MERTK: variants seen among roughly 807,000 people sequenced by gnomAD.
MERTK encodes MER proto-oncogene, tyrosine kinase.
MERTK carries 69 observed loss-of-function variants against 99.3 expected under a neutral mutation model. That is an observed-to-expected ratio of 0.70 (90% confidence interval 0.57 to 0.85). MERTK has a LOEUF of 0.85. MERTK is among the 40% of genes least tolerant of loss of function. The pLI is 0.00. For missense variants in MERTK, 1,125 were observed against 1,249.4 expected, an observed-to-expected ratio of 0.90 and a Z score of 1.50; for synonymous variants, 426 against 467.6, an observed-to-expected ratio of 0.91 and a Z score of 1.15.
chr2:111,913,740 G>A lies in MERTK; in HGVS notation c.61+14944G>A, dbSNP rs539132399. ...TTTTTTGTATTTTTGATAGAGGTGG[G>A]GTTTCACCATTTTGGCCAGGCTGGT... On this transcript the variant is annotated intron_variant, in intron 1 of 18. Coordinates refer to ENST00000295408, the MANE Select transcript of MERTK (RefSeq NM_006343.3). 1.8e-3 allele frequency among the ~76,000 whole-genome samples: 275 copies of A among 152,096 alleles called. 1 individual carries two copies. Among genetic ancestry groups the A allele is most frequent in the African/African-American group, 6.1e-3 (252 of 41,458 alleles).
chr2:112,015,569 C>A (rs1242033578), intron 15 of MERTK, among the ~76,000 whole-genome samples: 1 of 152,070 alleles, frequency 6.6e-6, no homozygotes, highest in African/African-American at 2.4e-5. Context: ...TTTATATGTT[C>A]TAAATATAGT....
intron 6 of MERTK, among the ~76,000 whole-genome samples, chr2:111,970,665 C>T (rs1374819923): frequency 6.6e-6 from 1 of 151,120 alleles, no homozygotes; most frequent in African/African-American, 2.4e-5. Flanking sequence ...TATGAAAGTC[C>T]TCCTCCTCCT....
intron 13 of MERTK, 32 bp downstream of exon 13, chr2:112,004,016 A>G: frequency 1.3e-6 from 2 of 1,573,018 alleles, no homozygotes; most frequent in Non-Finnish European, 8.7e-7. Context: ...CCATTCTTCT[A>G]GGGTGGGCAG....
At chr2:111,995,833 G>A (rs779061721) in intron 9 of MERTK, among the ~76,000 whole-genome samples, 7 of 152,082 alleles carry the variant, frequency 4.6e-5, no homozygotes, top group Non-Finnish European at 7.4e-5. Context: ...GGTGGCATGC[G>A]CCTGTGGTCC....
intron 13 of MERTK, among the ~76,000 whole-genome samples, chr2:112,007,530 C>G (rs953876718): frequency 7.2e-5 from 11 of 152,244 alleles, no homozygotes; most frequent in African/African-American, 2.6e-4. Context: ...TCTCCCCAGC[C>G]CTGGCAAGCA....
At chr2:111,951,138 G>A (rs957287968) in intron 4 of MERTK, among the ~76,000 whole-genome samples, 1 of 151,890 alleles carries the variant, frequency 6.6e-6, no homozygotes, top group Non-Finnish European at 1.5e-5. Context: ...GGAGTTCGGG[G>A]GGCGGGGAGG....
intron 10 of MERTK, among the ~76,000 whole-genome samples, chr2:111,997,727 G>T (rs1465812648): frequency 1.3e-5 from 2 of 152,196 alleles, no homozygotes; most frequent in Non-Finnish European, 2.9e-5. Flanking sequence ...ACTCAAACTG[G>T]ATTGCTGTTA....
chr2:111,918,061 C>T (rs1684385987), intron 1 of MERTK, among the ~76,000 whole-genome samples: 1 of 152,100 alleles, frequency 6.6e-6, no homozygotes, highest in Non-Finnish European at 1.5e-5. Context: ...TCCCCATTCC[C>T]TCTCCCCTTA....
rs377203106 is a variant in MERTK at position 111,998,397 on chromosome 2, C to T, written c.1604+921C>T. 3.0e-4 allele frequency among the ~76,000 whole-genome samples: 45 copies of T among 152,232 alleles called. 1 individual carries two copies. The highest frequency in any genetic ancestry group is 9.9e-4 in the African/African-American group (41 of 41,524). On this transcript the variant is annotated intron_variant, in intron 10 of 18. Coordinates refer to ENST00000295408, the MANE Select transcript of MERTK (RefSeq NM_006343.3). ...CTCTGCAGAAGCTGCAAGAGTAGCT[C>T]ATTAATATGTATTAAAGGCCTGCTA...
Position 111,939,173 on chromosome 2 carries a change from C to T in MERTK, c.483-5787C>T, listed in dbSNP as rs573231505. Among the ~76,000 whole-genome samples, 4 of 152,292 alleles carry T rather than the reference C, an allele frequency of 2.6e-5. No individual in the cohort carries two copies. In the East Asian group the frequency reaches 7.7e-4, roughly 29 times the overall value. On this transcript the variant is annotated intron_variant, in intron 2 of 18. Transcript: ENST00000295408. ...AGGACCCCCATCTGATAATGGTCTT[C>T]TTGCTGATGCGACTCTGCGGGGTCC...
chr2:111,925,290 A>ATTT (rs1336943200), intron 1 of MERTK, among the ~76,000 whole-genome samples: 910 of 31,302 alleles, frequency 0.029, 44 homozygotes, highest in East Asian at 0.064. Context: ...ATATATATAT[A>ATTT]TATTTTTTTT....
intron 8 of MERTK, among the ~76,000 whole-genome samples, chr2:111,985,503 C>A (rs899702679): frequency 1.3e-5 from 2 of 152,122 alleles, no homozygotes; most frequent in Non-Finnish European, 2.9e-5. Context: ...TCAATCTAAC[C>A]CTAGTGACAG....
chr2:111,908,978 CAAAAG>C (rs1204262608), intron 1 of MERTK, among the ~76,000 whole-genome samples: 1 of 152,106 alleles, frequency 6.6e-6, no homozygotes, highest in Non-Finnish European at 1.5e-5. Context: ...ACATATTTCT[CAAAAG>C]AAGAAATACA....
rs772421550 is a variant in MERTK at position 111,929,403 on chromosome 2, C to G, written c.345C>G (p.Cys115Trp). 2.6e-5 allele frequency: 42 copies of G among 1,613,944 alleles called. No homozygotes were observed. The highest frequency in any genetic ancestry group is 3.1e-5 in the Non-Finnish European group (37 of 1,180,026). ...LSEHKGVKFN[C>W]SISVPNIYQD... ...AACATAAAGGTGTCAAATTTAATTGCTCAATCAGTGTACCTAATATATACC... is the reference window on the plus strand; with the variant it reads ...AACATAAAGGTGTCAAATTTAATTGGTCAATCAGTGTACCTAATATATACC... Residue 115 changes from cysteine (C) to tryptophan (W), a missense_variant, in exon 2 of 19, where the codon TGC becomes TGG. Physicochemically the swap from Cys to Trp is radical, Grantham distance 215. Coordinates refer to ENST00000295408, the MANE Select transcript of MERTK (RefSeq NM_006343.3).
At position 111,898,780 on chromosome 2, in the gene MERTK, CG is replaced by C; in HGVS notation, c.46del (p.Ala16ArgfsTer48). ...CGCTGCTGCTGGGCCTCTTCCTCCC[CG>C]CGCTCTGGCGTAGAGGTGAGTGCGC... Reference protein sequence around the residue: ...LPLLLGLFLPALWRRAITEAR... With the variant: ...LPLLLGLFLPXLWRRAITEAR... On this transcript the variant is annotated frameshift_variant, in exon 1 of 19. Transcript: ENST00000295408. LOFTEE classifies it high-confidence loss of function. 1 of 1,598,022 alleles carries C rather than the reference CG, an allele frequency of 6.3e-7. No individual in the cohort carries two copies. The highest frequency in any genetic ancestry group is 8.5e-7 in the Non-Finnish European group (1 of 1,173,128).
intron 2 of MERTK, among the ~76,000 whole-genome samples, chr2:111,934,697 G>A (rs1414324587): frequency 6.6e-6 from 1 of 151,866 alleles, no homozygotes; most frequent in Non-Finnish European, 1.5e-5. Flanking sequence ...AGTTTCTTTT[G>A]CTATGCAGAA....
At chr2:112,014,438 A>C (rs2104417307) in intron 15 of MERTK, among the ~76,000 whole-genome samples, 1 of 152,236 alleles carries the variant, frequency 6.6e-6, no homozygotes, top group East Asian at 1.9e-4. Context: ...TGCTGGGATG[A>C]CAGGCGTGAG....
intron 6 of MERTK, 100 bp downstream of exon 6, chr2:111,968,352 A>C: frequency 1.1e-6 from 1 of 921,324 alleles, no homozygotes; most frequent in East Asian, 2.5e-5. Context: ...GCATTTCTCC[A>C]TCTCTGTACA....
In MERTK at chr2:112,021,458, C is replaced by T. The variant is rs760532027; in HGVS notation, c.2226C>T (p.Phe742=). The T allele has an allele frequency of 3.7e-5, 60 of 1,613,632 alleles. No individual in the cohort carries two copies. The highest frequency in any genetic ancestry group is 1.7e-4 in the Middle Eastern group (1 of 5,946). Residue 742 remains phenylalanine (F), a synonymous_variant, in exon 17 of 19, where the codon TTC becomes TTT. Coordinates refer to ENST00000295408, the MANE Select transcript of MERTK (RefSeq NM_006343.3). The stretch of plus-strand genomic sequence containing the variant: ...ACATGACTGTCTGTGTTGCGGACTT[C>T]GGCCTCTCTAAGAAGATTTACAGTG... The part of the protein sequence containing the change: ...RDDMTVCVAD[F]GLSKKIYSGD...
Sources: gnomAD v4.1 joint callset for allele counts (sites outside exome capture counted in the v4.1 genomes callset) on GRCh38, gnomAD v4.1.1 for gene constraint, MANE v1.5 for transcripts, NCBI Gene and HGNC (gene_info 2026-07-23, HGNC 2026-07-21) for gene names.